Variants in ACOT11 observed in about 807,000 individuals in gnomAD.
ACOT11 encodes the protein acyl-CoA thioesterase 11, also known as acyl-coenzyme A thioesterase 11.
A neutral mutation model predicts 77.5 loss-of-function variants in ACOT11; 69 were observed. The observed-to-expected ratio is 0.89, with a 90% CI of 0.73 to 1.09. ACOT11 has a LOEUF of 1.09. Among genes scored for constraint, ACOT11 ranks in the 50% least tolerant of loss-of-function variants. The pLI is 0.00. For synonymous variants in ACOT11, 279 were observed against 313.0 expected (o/e 0.89, Z 1.15); for missense variants, 766 against 813.7 (o/e 0.94, Z 0.71).
intron 1 of ACOT11, chr1:54,573,248 A>C (rs1034167641): frequency 1.0e-6 from 1 of 985,334 alleles, no homozygotes; most frequent in African/African-American, 1.7e-5. Context: ...GTGGTCAAGC[A>C]GTCTTAGCTT....
rs189204337 is a variant in ACOT11 at position 54,552,869 on chromosome 1, C to T, written c.33+4527C>T. On this transcript the variant is annotated intron_variant, in intron 1 of 15. Coordinates refer to ENST00000343744, the MANE Select transcript of ACOT11 (RefSeq NM_147161.4). ...TGAGACGGAGTTTCGCTCTTGTTGC[C>T]CAGGCTGGAGTGCAGTGGTGCTATT... 7.4e-3 allele frequency among the ~76,000 whole-genome samples: 1,115 copies of T among 150,152 alleles called. 12 individuals carry two copies. The highest frequency in any genetic ancestry group is 0.026 in the African/African-American group (1,051 of 40,810).
chr1:54,567,140 T>C (rs980833983), intron 1 of ACOT11, among the ~76,000 whole-genome samples: 1 of 152,168 alleles, frequency 6.6e-6, no homozygotes, highest in Non-Finnish European at 1.5e-5. Flanking sequence ...TCTCTTTAAA[T>C]GTTTAATAGG....
At chr1:54,619,824 C>T in intron 15 of ACOT11, 2 of 1,605,786 alleles carry the variant, frequency 1.2e-6, no homozygotes, top group Non-Finnish European at 1.7e-6. Flanking sequence ...CTTCTCTATC[C>T]CTTGCCCTGG....
rs1201061427 is a variant in ACOT11 at position 54,562,622 on chromosome 1, C to T, written c.33+14280C>T. Among the ~76,000 whole-genome samples, 10 of 145,208 alleles carry T rather than the reference C, an allele frequency of 6.9e-5. No homozygotes were observed. The South Asian group carries it at 8.9e-4, about 13-fold the overall frequency. ...CTCACTTCTCAGATGGGGCAGCTGC[C>T]GGGCGGAGGGGCTCCTCACTTCTCA... On this transcript the variant is annotated intron_variant, in intron 1 of 15. Transcript: ENST00000343744.
chr1:54,610,596 C>A, downstream of ACOT11: 4 of 1,596,444 alleles, frequency 2.5e-6, no homozygotes, highest in South Asian at 1.1e-5. Context: ...GGCTGCCATT[C>A]ACAGAACACC....
At chr1:54,636,899 A>T (rs1262251825) in exon 17 of ACOT11, 1 of 159,044 alleles carries the variant, frequency 6.3e-6, no homozygotes, top group Admixed American at 6.5e-5. Flanking sequence ...AACAAAGCAC[A>T]TCTTGCACAG....
rs747906860 is a variant in ACOT11, at chr1:54,609,431, G to A, written c.*319G>A. On this transcript the variant is annotated 3_prime_UTR_variant, in exon 16 of 16. Coordinates refer to ENST00000343744, the MANE Select transcript of ACOT11 (RefSeq NM_147161.4). ...CTCCACTGTGACGGTGGCCCGGGGG[G>A]AGGATGCCAGCAGCCTGCCTATGGC... 3 of 1,613,696 alleles carry A rather than the reference G, an allele frequency of 1.9e-6. No individual in the cohort carries two copies. Among genetic ancestry groups the A allele is most frequent in the South Asian group, 2.2e-5 (2 of 91,090 alleles).
At chr1:54,623,385 C>T in intron 15 of ACOT11, 1 of 1,613,788 alleles carries the variant, frequency 6.2e-7, no homozygotes, top group Non-Finnish European at 8.5e-7. Flanking sequence ...TAACTGCTCC[C>T]TGCAGACCAT....
chr1:54,562,498 C>T (rs1362663700), intron 1 of ACOT11, among the ~76,000 whole-genome samples: 1 of 49,766 alleles, frequency 2.0e-5, no homozygotes, highest in Non-Finnish European at 5.5e-5. Context: ...GGGGGCTGAC[C>T]CCCCCACCTC....
In ACOT11 at chr1:54,561,163, A is replaced by T. The variant is rs868528928; in HGVS notation, c.33+12821A>T. Among the ~76,000 whole-genome samples, 4 of 143,310 alleles carry T rather than the reference A, an allele frequency of 2.8e-5. No individual in the cohort carries two copies. In the South Asian group the frequency reaches 9.3e-4, roughly 33 times the overall value. The allele number at this position is 143,310 out of a possible 152,430, so 94.0% of individuals were successfully genotyped here. A position where few individuals can be genotyped will look rare whatever the true frequency, so the allele number is the denominator to read the frequency against. ...TGTTTCTCACAGAGGGGGATTTGGC[A>T]GGGTCATGGGACAATAGTGGAGGGA... On this transcript the variant is annotated intron_variant, in intron 1 of 15. Transcript: ENST00000343744.
At chr1:54,563,267 G>A (rs887469452) in intron 1 of ACOT11, among the ~76,000 whole-genome samples, 3 of 152,244 alleles carry the variant, frequency 2.0e-5, no homozygotes, top group Non-Finnish European at 4.4e-5. Flanking sequence ...GATTATAGGT[G>A]TCAGCCACTG....
chr1:54,550,435 T>C (rs1440966362), intron 1 of ACOT11, among the ~76,000 whole-genome samples: 1 of 152,180 alleles, frequency 6.6e-6, no homozygotes, highest in Non-Finnish European at 1.5e-5. Context: ...ATTCCCTTAG[T>C]TCCTCTGGAA....
chr1:54,574,744 C>T (rs999574623), intron 1 of ACOT11, among the ~76,000 whole-genome samples: 10 of 152,310 alleles, frequency 6.6e-5, no homozygotes, highest in African/African-American at 1.7e-4. Flanking sequence ...CAAGAACCCA[C>T]TGTCCACCAG....
chr1:54,623,840 T>C (rs1644254421), intron 15 of ACOT11, among the ~76,000 whole-genome samples: 1 of 152,246 alleles, frequency 6.6e-6, no homozygotes, highest in African/African-American at 2.4e-5. Flanking sequence ...GACTGGGTGA[T>C]CCCGAACATT....
intron 1 of ACOT11, among the ~76,000 whole-genome samples, chr1:54,577,564 T>A (rs1305045310): frequency 6.6e-6 from 1 of 152,196 alleles, no homozygotes; most frequent in Non-Finnish European, 1.5e-5. Context: ...AATTTATTCA[T>A]TTATTAATGG....
At chr1:54,590,552 C>T (rs1393718111) in intron 3 of ACOT11, among the ~76,000 whole-genome samples, 2 of 152,066 alleles carry the variant, frequency 1.3e-5, no homozygotes, top group Non-Finnish European at 2.9e-5. Context: ...GGAAAAATCA[C>T]AAATTCCTCT....
intron 2 of ACOT11, 67 bp from the exon 3 acceptor site, chr1:54,585,768 G>A (rs1000591919): frequency 1.7e-5 from 26 of 1,551,182 alleles, no homozygotes; most frequent in Non-Finnish European, 2.3e-5. Flanking sequence ...CTGAGGAGGT[G>A]CCATCTGAGC....
Position 54,609,552 on chromosome 1 carries a change from G to C in ACOT11, c.*440G>C, listed in dbSNP as rs1395826909. 1.2e-6 allele frequency: 2 copies of C among 1,612,570 alleles called. No individual in the cohort carries two copies. Among genetic ancestry groups the C allele is most frequent in the Admixed American group, 1.7e-5 (1 of 60,000 alleles). On this transcript the variant is annotated 3_prime_UTR_variant, in exon 16 of 16. Coordinates refer to ENST00000343744, the MANE Select transcript of ACOT11 (RefSeq NM_147161.4). ...AACTCTAGCATATCTGTGAGCAGCT[G>C]TTCCCTGTAGCCACTGCCCAGCACC...
At chr1:54,633,960 G>A (rs1026086629) in intron 16 of ACOT11, among the ~76,000 whole-genome samples, 2 of 152,200 alleles carry the variant, frequency 1.3e-5, no homozygotes, top group Non-Finnish European at 1.5e-5. Context: ...TCACCTACTG[G>A]TGTTATTGTC....
Sources: allele counts gnomAD v4.1 joint callset (sites outside exome capture counted in the v4.1 genomes callset), GRCh38; gene constraint gnomAD v4.1.1; transcripts MANE v1.5; gene names NCBI Gene and HGNC (gene_info 2026-07-23, HGNC 2026-07-21).